The following HMBOX1 variants were observed in gnomAD, a reference collection of about 807,000 sequenced individuals.
The protein encoded by HMBOX1 is homeobox-containing protein 1.
In HMBOX1, 14 loss-of-function variants were observed where a neutral mutation model predicts 54.5. That is an observed-to-expected ratio of 0.26 (90% CI 0.17 to 0.40). HMBOX1 has a LOEUF of 0.40. Ranked by LOEUF, HMBOX1 falls within the 10% of genes least tolerant of loss-of-function variation. The pLI is 1.00. For synonymous variants in HMBOX1, 160 were observed against 181.0 expected (o/e 0.88, Z 0.93); for missense variants, 332 against 514.4 (o/e 0.65, Z 3.43).
intron 2 of HMBOX1, among the ~76,000 whole-genome samples, chr8:28,967,529 A>G (rs1013116162): frequency 5.9e-5 from 9 of 152,236 alleles, no homozygotes; most frequent in Non-Finnish European, 8.8e-5. Context: ...GAAGAACTGT[A>G]TATAGATAAC....
intron 6 of HMBOX1, among the ~76,000 whole-genome samples, chr8:29,029,407 G>C (rs1172528042): frequency 6.6e-6 from 1 of 152,074 alleles, no homozygotes; most frequent in African/African-American, 2.4e-5. Context: ...ATGTTTCTTT[G>C]GACAGCAGCT....
At position 29,049,025 on chromosome 8, in the gene HMBOX1, G is replaced by A. The variant is rs1328672787; in HGVS notation, c.1102G>A (p.Asp368Asn). 3 of 1,613,752 alleles carry A rather than the reference G, an allele frequency of 1.9e-6. No homozygotes were observed. The highest frequency in any genetic ancestry group is 2.5e-6 in the Non-Finnish European group (3 of 1,179,898). Residue 368 changes from aspartate to asparagine, a missense_variant, in exon 9 of 10, where the codon GAC becomes AAC. Asp to Asn is a conservative substitution (Grantham distance 23). Coordinates refer to ENST00000287701, the MANE Select transcript of HMBOX1 (RefSeq NM_001135726.3). ...PGGHSNSDDV[D>N]GNDYSEQDDS... ...AGGCCACTCAAACAGTGATGATGTC[G>A]ACGGGAATGACTACTCTGAGCAGGT...
chr8:28,926,300 T>TAC (rs1415903810), intron 1 of HMBOX1, among the ~76,000 whole-genome samples: 80 of 139,464 alleles, frequency 5.7e-4, no homozygotes, highest in African/African-American at 1.8e-3. Flanking sequence ...TATATATATA[T>TAC]ATATACACAC....
intron 1 of HMBOX1, among the ~76,000 whole-genome samples, chr8:28,901,572 A>G (rs1813237309): frequency 6.6e-6 from 1 of 152,212 alleles, no homozygotes; most frequent in South Asian, 2.1e-4. Context: ...AGATGATTGC[A>G]GCAGTAAAAC....
At chr8:29,050,029 A>AT (rs1313955844) in intron 9 of HMBOX1, among the ~76,000 whole-genome samples, 1 of 152,120 alleles carries the variant, frequency 6.6e-6, no homozygotes, top group Non-Finnish European at 1.5e-5. Context: ...AAGAACTACC[A>AT]TTTTTTCCCA....
At chr8:29,018,643 A>G in intron 5 of HMBOX1, 117 bp from the exon 6 acceptor site, 1 of 994,698 alleles carries the variant, frequency 1.0e-6, no homozygotes, top group Non-Finnish European at 1.4e-6. Flanking sequence ...AGAAAGATAC[A>G]TTGATTAAGT....
intron 4 of HMBOX1, among the ~76,000 whole-genome samples, chr8:29,003,555 A>AATATATATATAT (rs71222586): frequency 0.057 from 4,077 of 71,196 alleles, 365 homozygotes; most frequent in East Asian, 0.16. Context: ...TTCTGTATTA[A>AATATATATATAT]ATATATATAT....
chr8:29,019,137 A>G (rs1452240260), intron 6 of HMBOX1, among the ~76,000 whole-genome samples: 1 of 152,204 alleles, frequency 6.6e-6, no homozygotes, highest in Non-Finnish European at 1.5e-5. Flanking sequence ...TTTACTTATA[A>G]TAGTGTCCCC....
chr8:28,914,568 C>G (rs992702891), intron 1 of HMBOX1, among the ~76,000 whole-genome samples: 1 of 152,196 alleles, frequency 6.6e-6, no homozygotes, highest in African/African-American at 2.4e-5. Flanking sequence ...AGACAAACAT[C>G]TGTATAAACT....
chr8:28,938,474 A>G (rs937458307), intron 1 of HMBOX1, among the ~76,000 whole-genome samples: 3 of 152,026 alleles, frequency 2.0e-5, no homozygotes, highest in Non-Finnish European at 2.9e-5. Flanking sequence ...GGTCTTGCTC[A>G]TTAGCTTAGA....
intron 2 of HMBOX1, among the ~76,000 whole-genome samples, chr8:28,968,591 G>A (rs1229641692): frequency 6.6e-6 from 1 of 152,168 alleles, no homozygotes; most frequent in Non-Finnish European, 1.5e-5. Flanking sequence ...ATGAGATTAT[G>A]TTATGTGAAA....
intron 5 of HMBOX1, among the ~76,000 whole-genome samples, chr8:29,014,826 T>C (rs575431854): frequency 1.3e-5 from 2 of 152,054 alleles, no homozygotes; most frequent in Non-Finnish European, 2.9e-5. Flanking sequence ...ATTACAGGCG[T>C]GTGCCACCAC....
chr8:29,049,893 A>G (rs1806182508), intron 9 of HMBOX1, among the ~76,000 whole-genome samples: 1 of 152,200 alleles, frequency 6.6e-6, no homozygotes, highest in Non-Finnish European at 1.5e-5. Context: ...ATATAGTCCA[A>G]TGTGTTCTTT....
Position 29,051,525 on chromosome 8 carries a change from A to C in HMBOX1, c.*370A>C, listed in dbSNP as rs535531795. 48 of 702,994 alleles carry C rather than the reference A, an allele frequency of 6.8e-5. No individual in the cohort carries two copies. In the African/African-American group the frequency reaches 8.4e-4, roughly 12 times the overall value. 43.5% of individuals were successfully genotyped at this position (702,994 alleles called of 1,614,324 possible). A position where few individuals can be genotyped will look rare whatever the true frequency, so the allele number is the denominator to read the frequency against. ...GGTACCTTTAGATTCTTGTAACACT[A>C]GTCTGTACTCCCTTTTCCTTCCCCA... On this transcript the variant is annotated 3_prime_UTR_variant, in exon 10 of 10. Transcript: ENST00000287701.
chr8:29,000,291 C>T (rs1189261473), intron 4 of HMBOX1, among the ~76,000 whole-genome samples: 3 of 152,214 alleles, frequency 2.0e-5, no homozygotes, highest in Non-Finnish European at 4.4e-5. Flanking sequence ...CCTTCACTTT[C>T]TCTTTGTACT....
At chr8:28,993,325 AT>A (rs1214748699) in intron 4 of HMBOX1, among the ~76,000 whole-genome samples, 1 of 152,146 alleles carries the variant, frequency 6.6e-6, no homozygotes, top group African/African-American at 2.4e-5. Context: ...TATGAGTAGG[AT>A]TTTTTAAAGT....
At chr8:28,924,913 CTTT>C (rs368684931) in intron 1 of HMBOX1, among the ~76,000 whole-genome samples, 1 of 126,396 alleles carries the variant, frequency 7.9e-6, no homozygotes, top group Non-Finnish European at 1.7e-5. Flanking sequence ...CGCCCAGCCT[CTTT>C]TTTTTTTTTT....
At chr8:28,962,789 C>T (rs1467746088) in intron 1 of HMBOX1, among the ~76,000 whole-genome samples, 2 of 152,032 alleles carry the variant, frequency 1.3e-5, no homozygotes, top group Admixed American at 1.3e-4. Context: ...CTCATATAAA[C>T]GTTGTATTTT....
Position 28,946,141 on chromosome 8 carries a change from T to C in HMBOX1, c.-57-17670T>C, listed in dbSNP as rs1465531837. Among the ~76,000 whole-genome samples the C allele has an allele frequency of 3.3e-5, 5 of 151,784 alleles. No individual in the cohort carries two copies. The East Asian group carries it at 9.9e-4, about 30-fold the overall frequency. ...CTAATTTTCGTATTTTTAGTAGAGA[T>C]GGGGTTTCACCAAGTTGGCCAGGCT... On this transcript the variant is annotated intron_variant, in intron 1 of 9. Coordinates refer to ENST00000287701, the MANE Select transcript of HMBOX1 (RefSeq NM_001135726.3).
Sources: gnomAD v4.1 joint callset for allele counts (sites outside exome capture counted in the v4.1 genomes callset) on GRCh38, gnomAD v4.1.1 for gene constraint, MANE v1.5 for transcripts, NCBI Gene and HGNC (gene_info 2026-07-23, HGNC 2026-07-21) for gene names.